DNMT3A: variants seen among roughly 807,000 people sequenced by gnomAD.
DNMT3A encodes DNA (cytosine-5)-methyltransferase 3A.
A neutral mutation model predicts 117.6 loss-of-function variants in DNMT3A; 267 were observed. The ratio of observed to expected loss-of-function variants is 2.27; its 90% CI spans 2.05 to 2.51. DNMT3A has a LOEUF of 2.51. DNMT3A is among the 30% of genes most tolerant of loss of function. DNMT3A has a pLI of 0.00. For synonymous variants in DNMT3A, 432 were observed against 474.8 expected, an observed-to-expected ratio of 0.91 and a Z score of 1.17; for missense variants, 1,029 against 1,260.2, an observed-to-expected ratio of 0.82 and a Z score of 2.78.
intron 6 of DNMT3A, chr2:25,251,820 G>T (rs1350673916): frequency 3.1e-6 from 1 of 318,318 alleles, no homozygotes; most frequent in Non-Finnish European, 5.8e-6. Flanking sequence ...GGTCACCAGG[G>T]AAGTGCCAGG....
chr2:25,229,462 C>A lies in DNMT3A; in HGVS notation c.*4817G>T, dbSNP rs1024850093. Reference sequence around the variant, plus strand: ...CTCCCAGAGGACAACTCCAGGGTCGCTCTCTAGTCTCCAGCACTGAGAGCA... The same window carrying A: ...CTCCCAGAGGACAACTCCAGGGTCGATCTCTAGTCTCCAGCACTGAGAGCA... On this transcript the variant is annotated 3_prime_UTR_variant, in exon 23 of 23. Coordinates refer to ENST00000321117, the MANE Select transcript of DNMT3A (RefSeq NM_022552.5). 1.3e-5 allele frequency: 2 copies of A among 152,278 alleles called. No individual in the cohort carries two copies. The highest frequency in any genetic ancestry group is 4.8e-5 in the African/African-American group (2 of 41,474). The allele number at this position is 152,278 out of a possible 1,614,324, so 9.4% of individuals were successfully genotyped here. A position where few individuals can be genotyped will look rare whatever the true frequency, so the allele number is the denominator to read the frequency against.
chr2:25,266,948 A>T (rs1238861068), intron 6 of DNMT3A, among the ~76,000 whole-genome samples: 1 of 152,224 alleles, frequency 6.6e-6, no homozygotes, highest in African/African-American at 2.4e-5. Context: ...AGATGCACAA[A>T]GAGGTATGAC....
intron 6 of DNMT3A, chr2:25,249,604 T>C (rs1675267651): frequency 1.2e-6 from 2 of 1,609,210 alleles, no homozygotes; most frequent in Non-Finnish European, 1.7e-6. Context: ...CACCAACAAA[T>C]TAATAAGCCA....
rs538004966 is a variant in DNMT3A, at chr2:25,306,718, G to A, written c.73-6475C>T. Among the ~76,000 whole-genome samples, 1 of 152,270 alleles carries A rather than the reference G, an allele frequency of 6.6e-6. No homozygotes were observed. Among genetic ancestry groups the A allele is most frequent in the East Asian group, 1.9e-4 (1 of 5,184 alleles). On this transcript the variant is annotated intron_variant, in intron 2 of 22. Coordinates refer to ENST00000321117, the MANE Select transcript of DNMT3A (RefSeq NM_022552.5). The surrounding 1 kb of genome is among the most constrained non-coding windows in gnomAD (Gnocchi z 4.1). ...ACACCTCAGCCCTGTCCACCTCTGA[G>A]GTCTCTATGTCACAAGGCCAGACAC...
In DNMT3A at chr2:25,310,009, T is replaced by C. The variant is rs3901432; in HGVS notation, c.72+3904A>G. Among the ~76,000 whole-genome samples, 163 of 152,088 alleles carry C rather than the reference T, an allele frequency of 1.1e-3. 1 individual carries two copies. The highest frequency in any genetic ancestry group is 3.7e-3 in the African/African-American group (155 of 41,474). ...AGGCAGAGCTTGCAGTGAAACAAGA[T>C]CACGCCACTGCACTCCAGCCTGGGC... On this transcript the variant is annotated intron_variant, in intron 2 of 22. Transcript: ENST00000321117.
At chr2:25,315,585 C>T (rs1404242926) in intron 1 of DNMT3A, among the ~76,000 whole-genome samples, 1 of 152,154 alleles carries the variant, frequency 6.6e-6, no homozygotes, top group African/African-American at 2.4e-5. Flanking sequence ...CCACATGCCA[C>T]TCAGGGCCTG....
chr2:25,331,413 A>G (rs1303802447), intron 1 of DNMT3A, among the ~76,000 whole-genome samples: 1 of 152,200 alleles, frequency 6.6e-6, no homozygotes, highest in Non-Finnish European at 1.5e-5. Flanking sequence ...TTGCTTTCCA[A>G]AAATGCTGTC....
chr2:25,246,565 G>T, intron 10 of DNMT3A, 55 bp downstream of exon 10: 1 of 1,578,914 alleles, frequency 6.3e-7, no homozygotes, highest in Non-Finnish European at 8.6e-7. Context: ...TCCCAGCCCT[G>T]GTGTGGATCT....
chr2:25,265,987 G>T (rs2030304626), intron 6 of DNMT3A, among the ~76,000 whole-genome samples: 1 of 152,178 alleles, frequency 6.6e-6, no homozygotes, highest in African/African-American at 2.4e-5. Context: ...CCAGCAACTA[G>T]TCACCTACCC....
chr2:25,252,310 G>A lies in DNMT3A; in HGVS notation c.640-4058C>T. ...GGAAGGGGGCGATGGGGCTGGGGGCGGAGGGGGCCACTGGGAGGGGAGGGG... is the reference window on the plus strand; with the variant it reads ...GGAAGGGGGCGATGGGGCTGGGGGCAGAGGGGGCCACTGGGAGGGGAGGGG... On this transcript the variant is annotated intron_variant, in intron 6 of 22. Transcript: ENST00000321117. The surrounding 1 kb of genome is among the most constrained non-coding windows in gnomAD (Gnocchi z 5.5). 1.3e-6 allele frequency: 1 copy of A among 754,576 alleles called. No homozygotes were observed. The highest frequency in any genetic ancestry group is 2.1e-5 in the South Asian group (1 of 47,188). 46.7% of individuals were successfully genotyped at this position (754,576 alleles called of 1,614,324 possible). A position where few individuals can be genotyped will look rare whatever the true frequency, so the allele number is the denominator to read the frequency against.
rs528326437 is a variant in DNMT3A, at chr2:25,336,041, CCCA to C, written c.-178+5782_-178+5784del. ...ACCTCCCTTACCCCCACCTCCACTG[CCCA>C]CCAAGCACCCTTGCTGTCCTCCAGA... On this transcript the variant is annotated intron_variant, in intron 1 of 22. Coordinates refer to ENST00000321117, the MANE Select transcript of DNMT3A (RefSeq NM_022552.5). Among the ~76,000 whole-genome samples, 34 of 152,296 alleles carry C rather than the reference CCCA, an allele frequency of 2.2e-4. 1 individual carries two copies. The South Asian group carries it at 6.6e-3, about 30-fold the overall frequency.
At chr2:25,289,210 C>T (rs1158033610) in intron 3 of DNMT3A, among the ~76,000 whole-genome samples, 1 of 151,918 alleles carries the variant, frequency 6.6e-6, no homozygotes, top group African/African-American at 2.4e-5. Flanking sequence ...TCAAGCGACT[C>T]TCCTGCCTCA....
At chr2:25,340,794 A>AC (rs1430011988) in intron 1 of DNMT3A, among the ~76,000 whole-genome samples, 7 of 139,456 alleles carry the variant, frequency 5.0e-5, no homozygotes, top group East Asian at 2.3e-4. Flanking sequence ...CCCCGGGCGT[A>AC]CCCCCCCTGC....
intron 6 of DNMT3A, among the ~76,000 whole-genome samples, chr2:25,267,809 G>A (rs1353818906): frequency 6.6e-6 from 1 of 152,218 alleles, no homozygotes; most frequent in Non-Finnish European, 1.5e-5. Context: ...TGGGGGCAGG[G>A]GGTGCCCAGA....
At chr2:25,239,071 G>A in intron 20 of DNMT3A, 59 bp downstream of exon 20, 2 of 1,519,656 alleles carry the variant, frequency 1.3e-6, no homozygotes, top group Non-Finnish European at 1.8e-6. Flanking sequence ...TCCCCACTAT[G>A]GGTCATCCCA....
At chr2:25,313,491 T>C (rs1432536823) in intron 2 of DNMT3A, among the ~76,000 whole-genome samples, 1 of 152,136 alleles carries the variant, frequency 6.6e-6, no homozygotes, top group African/African-American at 2.4e-5. Context: ...CCAGAACTTG[T>C]CTTTGGTCCC....
At chr2:25,290,849 C>T (rs2032705994) in intron 3 of DNMT3A, among the ~76,000 whole-genome samples, 1 of 152,110 alleles carries the variant, frequency 6.6e-6, no homozygotes, top group South Asian at 2.1e-4. Flanking sequence ...CTGCCTCTTC[C>T]TTTCCCACTG....
chr2:25,321,128 C>T (rs1243601617), intron 1 of DNMT3A, among the ~76,000 whole-genome samples: 6 of 150,568 alleles, frequency 4.0e-5, no homozygotes, highest in South Asian at 2.1e-4. Flanking sequence ...AGCGAAACTC[C>T]GTCTCAAAAA....
chr2:25,312,247 C>T lies in DNMT3A; in HGVS notation c.72+1666G>A, dbSNP rs78348122. Among the ~76,000 whole-genome samples the T allele has an allele frequency of 5.2e-3, 787 of 152,324 alleles. 9 individuals carry two copies. Among genetic ancestry groups the T allele is most frequent in the African/African-American group, 0.018 (738 of 41,570 alleles). On this transcript the variant is annotated intron_variant, in intron 2 of 22. Coordinates refer to ENST00000321117, the MANE Select transcript of DNMT3A (RefSeq NM_022552.5). ...ACAGCGGCAGGTGTCCCCAACTCTA[C>T]GGCCAAAGGGCTTGGGTCTTCATGC...
Sources: allele counts gnomAD v4.1 joint callset (sites outside exome capture counted in the v4.1 genomes callset), GRCh38; gene constraint gnomAD v4.1.1; non-coding constraint Gnocchi (gnomAD v3.1); transcripts MANE v1.5; gene names NCBI Gene and HGNC (gene_info 2026-07-23, HGNC 2026-07-21).